HIPK4: variants seen among roughly 807,000 people sequenced by gnomAD.
HIPK4 encodes homeodomain-interacting protein kinase 4.
Under a neutral mutation model 44.8 loss-of-function variants are expected in HIPK4, and 26 were observed. That is an observed-to-expected ratio of 0.58 (90% CI 0.43 to 0.80). The LOEUF (loss-of-function observed/expected upper bound fraction) is 0.80, where lower values mean the gene tolerates loss of function less well. HIPK4 is among the 30% of genes least tolerant of loss of function. HIPK4 has a pLI of 0.00. For missense variants in HIPK4, 729 were observed against 862.6 expected (o/e 0.85, Z 1.94); for synonymous variants, 340 against 355.5 (o/e 0.96, Z 0.49).
Position 40,380,300 on chromosome 19 carries a change from T to C in HIPK4, c.1668+23A>G, listed in dbSNP as rs1276800015. ...GCTGAGCCTCCTCCCACCCTAATCG[T>C]ATCCTGAACGCACCCGGCTCACCTC... is the stretch of plus-strand genomic sequence containing the variant. On this transcript the variant is annotated intron_variant, in intron 3 of 3. Coordinates refer to ENST00000291823, the MANE Select transcript of HIPK4 (RefSeq NM_144685.5). This position sits in a 1 kb window ranked among gnomAD's most constrained non-coding sequence, Gnocchi z 4.2. 6.2e-7 allele frequency: 1 copy of C among 1,606,256 alleles called. No individual in the cohort carries two copies. The highest frequency in any genetic ancestry group is 1.3e-5 in the African/African-American group (1 of 74,788).
chr19:40,389,583 GGC>G lies in HIPK4; in HGVS notation c.318_319del (p.Leu108ProfsTer28). The G allele has an allele frequency of 6.2e-7, 1 of 1,613,924 alleles. No individual in the cohort carries two copies. Among genetic ancestry groups the G allele is most frequent in the South Asian group, 1.1e-5 (1 of 91,082 alleles). On this transcript the variant is annotated frameshift_variant, in exon 1 of 4. Coordinates refer to ENST00000291823, the MANE Select transcript of HIPK4 (RefSeq NM_144685.5). LOFTEE classifies it high-confidence loss of function. This position sits in a 1 kb window ranked among gnomAD's most constrained non-coding sequence, Gnocchi z 4.6. ...TGTACGGATGTGGCGGGCGGGGAGG[GGC>G]GCGAAGTTGTTCTCCTTCTGGAACT...
chr19:40,387,835 T>C (rs747677337), intron 1 of HIPK4, among the ~76,000 whole-genome samples: 5 of 151,866 alleles, frequency 3.3e-5, no homozygotes, highest in Non-Finnish European at 5.9e-5. Context: ...CTCAGTTTTT[T>C]GTTTTTGTTT....
chr19:40,389,805 G>A lies in HIPK4; in HGVS notation c.98C>T (p.Thr33Met), dbSNP rs763526891. The A allele has an allele frequency of 6.8e-6, 11 of 1,613,964 alleles. No homozygotes were observed. Among genetic ancestry groups the A allele is most frequent in the Admixed American group, 3.3e-5 (2 of 60,006 alleles). ...GEVAKGWRRS[T>M]GEMVAIKILK... ...GATCTTGATGGCCACCATCTCGCCCGTGCTCCGCCGCCAGCCCTTGGCTAC... is the reference window on the plus strand; with the variant it reads ...GATCTTGATGGCCACCATCTCGCCCATGCTCCGCCGCCAGCCCTTGGCTAC... The change falls in exon 1 of 4, where the codon ACG becomes ATG. Residue 33 changes from threonine (T) to methionine (M), a missense_variant. Coordinates refer to ENST00000291823, the MANE Select transcript of HIPK4 (RefSeq NM_144685.5). This position sits in a 1 kb window ranked among gnomAD's most constrained non-coding sequence, Gnocchi z 4.6.
At position 40,389,453 on chromosome 19, in the gene HIPK4, G is replaced by T; in HGVS notation, c.450C>A (p.Cys150Ter). 6.3e-7 allele frequency: 1 copy of T among 1,583,598 alleles called. No homozygotes were observed. Among genetic ancestry groups the T allele is most frequent in the Non-Finnish European group, 8.6e-7 (1 of 1,161,376 alleles). ...CCCTACTCACCTTGACCCTGAAGGG[G>T]CAGCGGGTCTGGTCCACCAGCATGA... ...ENIMLVDQTR[C>*]PFRVKVIDFG... Residue 150 changes from cysteine (C) to a stop codon, truncating the protein, a stop_gained, in exon 1 of 4, where the codon TGC becomes TGA. Coordinates refer to ENST00000291823, the MANE Select transcript of HIPK4 (RefSeq NM_144685.5). LOFTEE classifies it high-confidence loss of function. This position sits in a 1 kb window ranked among gnomAD's most constrained non-coding sequence, Gnocchi z 4.6.
rs772674739 is a variant in HIPK4 at position 40,383,809 on chromosome 19, A to T, written c.796T>A (p.Ser266Thr). 1 of 1,612,206 alleles carries T rather than the reference A, an allele frequency of 6.2e-7. No individual in the cohort carries two copies. Among genetic ancestry groups the T allele is most frequent in the Non-Finnish European group, 8.5e-7 (1 of 1,178,522 alleles). The change falls in exon 2 of 4, where the codon TCG (serine) becomes ACG (threonine). Residue 266 changes from serine (S) to threonine (T), a missense_variant. Transcript: ENST00000291823. ...DAANPWQLKS[S>T]ADYLAETKVR... The stretch of plus-strand genomic sequence containing the variant: ...TTCGTCTCGGCCAGGTAGTCAGCCG[A>T]GGACTTGAGCTGCCAGGGGTTGGCA...
At position 40,390,004 on chromosome 19, in the gene HIPK4, G is replaced by A; in HGVS notation, c.-102C>T. 1 of 878,582 alleles carries A rather than the reference G, an allele frequency of 1.1e-6. No individual in the cohort carries two copies. Among genetic ancestry groups the A allele is most frequent in the Non-Finnish European group, 1.7e-6 (1 of 578,568 alleles). 54.4% of individuals were successfully genotyped at this position (878,582 alleles called of 1,614,324 possible). A position where few individuals can be genotyped will look rare whatever the true frequency, so the allele number is the denominator to read the frequency against. ...TGCTGACACAGCAGGCCCCCCAGTG[G>A]GGGAAAGAGAACCGCACTCGTGTCT... On this transcript the variant is annotated 5_prime_UTR_variant, in exon 1 of 4. Transcript: ENST00000291823.
Position 40,389,951 on chromosome 19 carries a change from G to T in HIPK4, c.-49C>A, listed in dbSNP as rs376400010. 2.0e-6 allele frequency: 3 copies of T among 1,473,278 alleles called. No individual in the cohort carries two copies. Among genetic ancestry groups the T allele is most frequent in the Non-Finnish European group, 1.8e-6 (2 of 1,081,744 alleles). The allele number at this position is 1,473,278 out of a possible 1,614,324, so 91.3% of individuals were successfully genotyped here. On this transcript the variant is annotated 5_prime_UTR_variant, in exon 1 of 4. Coordinates refer to ENST00000291823, the MANE Select transcript of HIPK4 (RefSeq NM_144685.5). This position sits in a 1 kb window ranked among gnomAD's most constrained non-coding sequence, Gnocchi z 4.6. ...CCCTGCCCAGGCCCCTGTACCACTGGCTCTGCCGCCCAGGCCTCCCGCCTG... is the reference window on the plus strand; with the variant it reads ...CCCTGCCCAGGCCCCTGTACCACTGTCTCTGCCGCCCAGGCCTCCCGCCTG...
chr19:40,384,193 G>A (rs371487416), intron 1 of HIPK4, 54 bp from the exon 2 acceptor site: 13 of 1,406,160 alleles, frequency 9.2e-6, no homozygotes, highest in African/African-American at 8.6e-5. Context: ...AGGGACAGCC[G>A]AGCTGGGCCA....
intron 2 of HIPK4, among the ~76,000 whole-genome samples, chr19:40,383,081 C>CTTTTTTTTTT (rs71171564): frequency 1.3e-5 from 1 of 78,586 alleles, no homozygotes; most frequent in African/African-American, 4.8e-5. Context: ...TCTTTTCTTT[C>CTTTTTTTTTT]TTTTTTTTTT....
Position 40,380,665 on chromosome 19 carries a change from C to A in HIPK4, c.1326G>T (p.Trp442Cys). Residue 442 changes from tryptophan to cysteine, a missense_variant, in exon 3 of 4, where the codon TGG (tryptophan) becomes TGT (cysteine). By Grantham distance (215) the Trp-to-Cys change is radical. Coordinates refer to ENST00000291823, the MANE Select transcript of HIPK4 (RefSeq NM_144685.5). The surrounding 1 kb of genome is among the most constrained non-coding windows in gnomAD (Gnocchi z 4.2). ...LSLQEAGHGL[W>C]GETCTNAVSD... ...AGACCGCATTGGTGCAGGTCTCACC[C>A]CACAGCCCATGCCCAGCCTCCTGCA... The A allele has an allele frequency of 1.2e-6, 2 of 1,614,040 alleles. No homozygotes were observed. Among genetic ancestry groups the A allele is most frequent in the Non-Finnish European group, 1.7e-6 (2 of 1,179,958 alleles).
At chr19:40,385,353 C>T (rs964125626) in intron 1 of HIPK4, among the ~76,000 whole-genome samples, 1 of 152,182 alleles carries the variant, frequency 6.6e-6, no homozygotes, top group Non-Finnish European at 1.5e-5. Context: ...TGCCACATCT[C>T]CCACTCTCCC....
intron 1 of HIPK4, among the ~76,000 whole-genome samples, chr19:40,387,569 T>C (rs2079368938): frequency 6.6e-6 from 1 of 151,396 alleles, no homozygotes; most frequent in Non-Finnish European, 1.5e-5. Flanking sequence ...TCCGCCCCCA[T>C]ATGGGTTCAA....
intron 1 of HIPK4, among the ~76,000 whole-genome samples, chr19:40,384,484 T>C (rs1195745983): frequency 2.6e-5 from 4 of 152,116 alleles, no homozygotes; most frequent in African/African-American, 7.2e-5. Context: ...TTTGTATTTT[T>C]AGTAGAGATG....
rs2079318228 is a variant in HIPK4 at position 40,379,544 on chromosome 19, C to G, written c.*43G>C. ...TTCAGGTTGGGAGGGAATGCCAGCC[C>G]AGCTAGCGCAGCCCCCAGTGATGGG... On this transcript the variant is annotated 3_prime_UTR_variant, in exon 4 of 4. Coordinates refer to ENST00000291823, the MANE Select transcript of HIPK4 (RefSeq NM_144685.5). 1 of 1,444,004 alleles carries G rather than the reference C, an allele frequency of 6.9e-7. No homozygotes were observed. Among genetic ancestry groups the G allele is most frequent in the Admixed American group, 2.8e-5 (1 of 35,996 alleles). 89.4% of individuals were successfully genotyped at this position (1,444,004 alleles called of 1,614,324 possible). A position where few individuals can be genotyped will look rare whatever the true frequency, so the allele number is the denominator to read the frequency against.
rs1001172045 is a variant in HIPK4 at position 40,389,151 on chromosome 19, G to A, written c.465+287C>T. ...ACCAAGATCATGCCATCATCACCCC[G>A]TCTCTGATAAGTACAAAAAAAAAAT... On this transcript the variant is annotated intron_variant, in intron 1 of 3. Coordinates refer to ENST00000291823, the MANE Select transcript of HIPK4 (RefSeq NM_144685.5). This position sits in a 1 kb window ranked among gnomAD's most constrained non-coding sequence, Gnocchi z 4.6. Among the ~76,000 whole-genome samples the A allele has an allele frequency of 1.4e-5, 2 of 141,236 alleles. No individual in the cohort carries two copies. The highest frequency in any genetic ancestry group is 2.1e-4 in the East Asian group (1 of 4,748). The allele number at this position is 141,236 out of a possible 152,430, so 92.7% of individuals were successfully genotyped here. A position where few individuals can be genotyped will look rare whatever the true frequency, so the allele number is the denominator to read the frequency against.
rs139377871 is a variant in HIPK4 at position 40,387,335 on chromosome 19, C to A, written c.465+2103G>T. ...AGGCACTGTTCACACTCGTCACAGGCCTTTGACACATGACAGGTGCTTGGC... is the reference window on the plus strand; with the variant it reads ...AGGCACTGTTCACACTCGTCACAGGACTTTGACACATGACAGGTGCTTGGC... On this transcript the variant is annotated intron_variant, in intron 1 of 3. Coordinates refer to ENST00000291823, the MANE Select transcript of HIPK4 (RefSeq NM_144685.5). Among the ~76,000 whole-genome samples, 91 of 152,264 alleles carry A rather than the reference C, an allele frequency of 6.0e-4. No individual in the cohort carries two copies. The East Asian group carries it at 0.017, about 28-fold the overall frequency.
Position 40,380,047 on chromosome 19 carries a change from C to T in HIPK4, c.1668+276G>A, listed in dbSNP as rs919276083. Among the ~76,000 whole-genome samples the T allele has an allele frequency of 4.6e-5, 7 of 152,172 alleles. No individual in the cohort carries two copies. The highest frequency in any genetic ancestry group is 1.4e-4 in the African/African-American group (6 of 41,422). ...TCTAATTTTTTGGTGCAGACGGGATCTCACTATGTTGCCCAGGCTCTTTAT... is the reference window on the plus strand; with the variant it reads ...TCTAATTTTTTGGTGCAGACGGGATTTCACTATGTTGCCCAGGCTCTTTAT... On this transcript the variant is annotated intron_variant, in intron 3 of 3. Transcript: ENST00000291823. The surrounding 1 kb of genome is among the most constrained non-coding windows in gnomAD (Gnocchi z 4.2).
intron 2 of HIPK4, 28 bp downstream of exon 2, chr19:40,383,755 G>A (rs2079348699): frequency 6.4e-7 from 1 of 1,558,790 alleles, no homozygotes; most frequent in Non-Finnish European, 8.8e-7. Context: ...CCCCCACACT[G>A]ACTGCCCTCA....
chr19:40,385,194 C>T (rs2079357435), intron 1 of HIPK4, among the ~76,000 whole-genome samples: 2 of 152,182 alleles, frequency 1.3e-5, no homozygotes, highest in Non-Finnish European at 2.9e-5. Context: ...CTCCTCTGCC[C>T]CCTAGTCTGT....
Sources: allele counts gnomAD v4.1 joint callset (sites outside exome capture counted in the v4.1 genomes callset), GRCh38; gene constraint gnomAD v4.1.1; non-coding constraint Gnocchi (gnomAD v3.1); transcripts MANE v1.5; gene names NCBI Gene and HGNC (gene_info 2026-07-23, HGNC 2026-07-21).